CTNNA2: variants seen among roughly 807,000 people sequenced by gnomAD.
The protein encoded by CTNNA2 is catenin alpha-2.
Under a neutral mutation model 101.0 loss-of-function variants are expected in CTNNA2, and 42 were observed. The ratio of observed to expected loss-of-function variants is 0.42; its 90% confidence interval spans 0.32 to 0.54. CTNNA2 has a LOEUF of 0.54. CTNNA2 is among the 20% of genes least tolerant of loss of function. The pLI is 0.14. For missense variants in CTNNA2, 871 were observed against 1,223.1 expected (o/e 0.71, Z 4.29); for synonymous variants, 450 against 456.4 (o/e 0.99, Z 0.18).
At chr2:79,353,125 G>T (rs1321410713) in intron 3 of CTNNA2, among the ~76,000 whole-genome samples, 1 of 152,222 alleles carries the variant, frequency 6.6e-6, no homozygotes, top group African/African-American at 2.4e-5. Flanking sequence ...CATGAGATTT[G>T]GGTGGGGAGA....
At chr2:80,496,004 G>A (rs1466578514) in intron 9 of CTNNA2, among the ~76,000 whole-genome samples, 1 of 148,772 alleles carries the variant, frequency 6.7e-6, no homozygotes. Context: ...TAGGGAGAAG[G>A]CTGTGTGATA....
At chr2:80,189,830 G>A (rs1046304379) in intron 7 of CTNNA2, among the ~76,000 whole-genome samples, 1 of 152,062 alleles carries the variant, frequency 6.6e-6, no homozygotes, top group African/African-American at 2.4e-5. Flanking sequence ...CCAGGTAGAA[G>A]TGTAATAATG....
intron 2 of CTNNA2, among the ~76,000 whole-genome samples, chr2:79,293,522 A>T (rs2104383392): frequency 6.6e-6 from 1 of 152,324 alleles, no homozygotes; most frequent in East Asian, 1.9e-4. Context: ...TCAAATAAGT[A>T]CATAGACAAT....
intron 18 of CTNNA2, among the ~76,000 whole-genome samples, chr2:80,647,100 A>C (rs1674184710): frequency 6.6e-6 from 1 of 151,938 alleles, no homozygotes; most frequent in African/African-American, 2.4e-5. Context: ...TTAAATTGAT[A>C]CTCCAAGCTC....
intron 1 of CTNNA2, among the ~76,000 whole-genome samples, chr2:79,621,887 A>T (rs938793646): frequency 6.6e-6 from 1 of 152,200 alleles, no homozygotes; most frequent in African/African-American, 2.4e-5. Flanking sequence ...CAGTATAACC[A>T]TGAGAAAACT....
At chr2:79,394,913 A>G (rs956434096) in intron 4 of CTNNA2, among the ~76,000 whole-genome samples, 4 of 152,184 alleles carry the variant, frequency 2.6e-5, no homozygotes, top group African/African-American at 9.7e-5. Context: ...TACATTGACT[A>G]CTGTGAATGA....
intron 4 of CTNNA2, among the ~76,000 whole-genome samples, chr2:79,482,715 C>A (rs1484667196): frequency 2.6e-5 from 4 of 152,038 alleles, no homozygotes; most frequent in Admixed American, 2.0e-4. Flanking sequence ...TCAGTCAGGG[C>A]AAAATAATTC....
intron 1 of CTNNA2, chr2:79,634,513 A>G (rs1014778314): frequency 6.6e-6 from 1 of 152,236 alleles, no homozygotes; most frequent in Admixed American, 6.5e-5. Flanking sequence ...CTATTCAAAC[A>G]TATCGAATTC....
At chr2:79,290,208 A>C (rs939023288) in intron 2 of CTNNA2, among the ~76,000 whole-genome samples, 1 of 152,186 alleles carries the variant, frequency 6.6e-6, no homozygotes, top group Admixed American at 6.5e-5. Context: ...CATTCATTGG[A>C]CTGGTCAACT....
chr2:79,199,590 T>C (rs1357084144), intron 2 of CTNNA2, among the ~76,000 whole-genome samples: 7 of 152,164 alleles, frequency 4.6e-5, no homozygotes, highest in Non-Finnish European at 7.3e-5. Context: ...TTTTGTGGCG[T>C]TGGACTGACC....
chr2:79,436,916 C>T (rs1364149197), intron 4 of CTNNA2, among the ~76,000 whole-genome samples: 2 of 151,522 alleles, frequency 1.3e-5, no homozygotes, highest in African/African-American at 2.4e-5. Flanking sequence ...CAGGCGTGAG[C>T]CACCATGCCC....
Position 80,510,538 on chromosome 2 carries a change from A to G in CTNNA2, c.1291-34444A>G, listed in dbSNP as rs74716762. ...ACAATCACCATAGCTTCACCTTGATATATCATACATGCCAATGGTTTCCTG... is the reference window on the plus strand; with the variant it reads ...ACAATCACCATAGCTTCACCTTGATGTATCATACATGCCAATGGTTTCCTG... On this transcript the variant is annotated intron_variant, in intron 9 of 18. Coordinates refer to ENST00000402739, the MANE Select transcript of CTNNA2 (RefSeq NM_001282597.3). 5.4e-4 allele frequency among the ~76,000 whole-genome samples: 82 copies of G among 152,302 alleles called. No individual in the cohort carries two copies. The East Asian group carries it at 0.015, about 27-fold the overall frequency.
At chr2:79,881,126 G>A (rs1428060395) in intron 6 of CTNNA2, among the ~76,000 whole-genome samples, 1 of 152,164 alleles carries the variant, frequency 6.6e-6, no homozygotes, top group Non-Finnish European at 1.5e-5. Flanking sequence ...GCATGGTTTT[G>A]AGTGAGTTTC....
chr2:79,322,488 A>G (rs1459329041), intron 3 of CTNNA2, among the ~76,000 whole-genome samples: 1 of 152,166 alleles, frequency 6.6e-6, no homozygotes, highest in Non-Finnish European at 1.5e-5. Context: ...TGGATTTTGC[A>G]TTGTCAATTT....
chr2:79,891,716 T>C (rs537274173), intron 6 of CTNNA2, among the ~76,000 whole-genome samples: 37 of 152,162 alleles, frequency 2.4e-4, no homozygotes, highest in Non-Finnish European at 5.0e-4. Context: ...TAAAATGACA[T>C]AGGCAAAGGC....
chr2:80,014,436 A>AT (rs551177123), intron 7 of CTNNA2, among the ~76,000 whole-genome samples: 3 of 151,624 alleles, frequency 2.0e-5, no homozygotes, highest in Non-Finnish European at 4.4e-5. Context: ...TTTGAGACAT[A>AT]TATTTTCTAT....
chr2:79,982,276 TAA>T (rs1491358867), intron 7 of CTNNA2, among the ~76,000 whole-genome samples: 1 of 136,072 alleles, frequency 7.3e-6, no homozygotes, highest in Non-Finnish European at 1.5e-5. Context: ...AACATATATA[TAA>T]TATATATAAC....
chr2:80,475,268 G>C (rs1399130917), intron 9 of CTNNA2, among the ~76,000 whole-genome samples: 1 of 152,120 alleles, frequency 6.6e-6, no homozygotes, highest in African/African-American at 2.4e-5. Flanking sequence ...AGTTAACAAG[G>C]ATTAGAGCAT....
chr2:80,614,980 T>C (rs925489785), intron 17 of CTNNA2, among the ~76,000 whole-genome samples: 1 of 149,228 alleles, frequency 6.7e-6, no homozygotes, highest in Non-Finnish European at 1.5e-5. Context: ...GCATTGTGAT[T>C]TTTTTTTTCT....
Sources: allele counts gnomAD v4.1 joint callset (sites outside exome capture counted in the v4.1 genomes callset), GRCh38; gene constraint gnomAD v4.1.1; transcripts MANE v1.5; gene names NCBI Gene and HGNC (gene_info 2026-07-23, HGNC 2026-07-21).